ESRRG: variants seen among roughly 807,000 people sequenced by gnomAD.
The protein encoded by ESRRG is estrogen related receptor gamma, also known as estrogen-related receptor gamma.
In ESRRG, 13 loss-of-function variants were observed where a neutral mutation model predicts 44.0. The ratio of observed to expected loss-of-function variants is 0.30; its 90% CI spans 0.19 to 0.47. The LOEUF (loss-of-function observed/expected upper bound fraction) is 0.47, where lower values mean the gene tolerates loss of function less well. Among genes scored for constraint, ESRRG ranks in the 20% least tolerant of loss-of-function variants. The pLI is 1.00. For missense variants in ESRRG, 395 were observed against 580.6 expected (o/e 0.68, Z 3.29); for synonymous variants, 215 against 214.6 (o/e 1.00, Z -0.02).
chr1:216,528,378 G>A (rs936118145), intron 5 of ESRRG, among the ~76,000 whole-genome samples: 5 of 152,150 alleles, frequency 3.3e-5, no homozygotes, highest in Non-Finnish European at 7.3e-5. Context: ...ATATGGACTA[G>A]CTGCTTCTCT....
intron 2 of ESRRG, among the ~76,000 whole-genome samples, chr1:216,733,711 C>A (rs1398236370): frequency 3.3e-5 from 5 of 152,180 alleles, no homozygotes; most frequent in Non-Finnish European, 7.4e-5. Context: ...CACTCTCAGT[C>A]TGGGCGCAGT....
At chr1:217,099,882 T>C (rs754772079) in intron 1 of ESRRG, among the ~76,000 whole-genome samples, 9 of 152,090 alleles carry the variant, frequency 5.9e-5, no homozygotes, top group Non-Finnish European at 8.8e-5. Flanking sequence ...AATGACCCAG[T>C]TGACCAGTTC....
chr1:216,882,793 T>C (rs2096464871), intron 2 of ESRRG, among the ~76,000 whole-genome samples: 1 of 152,184 alleles, frequency 6.6e-6, no homozygotes, highest in South Asian at 2.1e-4. Flanking sequence ...ATTGAAAATG[T>C]ATTCATTTTA....
intron 1 of ESRRG, among the ~76,000 whole-genome samples, chr1:216,690,125 T>C (rs114923499): frequency 6.6e-6 from 1 of 152,016 alleles, no homozygotes; most frequent in Admixed American, 6.6e-5. Flanking sequence ...TGAAAACATA[T>C]CCCCACAAAA....
chr1:216,961,377 A>T (rs529723868), intron 1 of ESRRG, among the ~76,000 whole-genome samples: 138 of 152,262 alleles, frequency 9.1e-4, no homozygotes, highest in Non-Finnish European at 1.6e-3. Context: ...TACCAACCAT[A>T]AAAAAATGAT....
intron 1 of ESRRG, among the ~76,000 whole-genome samples, chr1:217,108,369 G>T (rs1255428905): frequency 1.3e-5 from 2 of 152,090 alleles, no homozygotes; most frequent in Non-Finnish European, 2.9e-5. Flanking sequence ...ATTCTGCTTT[G>T]CTGCATACTT....
At chr1:216,941,772 T>A (rs1464887660) in intron 1 of ESRRG, among the ~76,000 whole-genome samples, 3 of 152,214 alleles carry the variant, frequency 2.0e-5, no homozygotes, top group East Asian at 1.9e-4. Flanking sequence ...GGAAAAAGAT[T>A]GTAAACAGCC....
At chr1:216,837,435 T>C (rs928537388) in intron 2 of ESRRG, among the ~76,000 whole-genome samples, 15 of 151,922 alleles carry the variant, frequency 9.9e-5, no homozygotes, top group African/African-American at 3.1e-4. Context: ...ACTTTTTCCA[T>C]AGAAATCTCC....
At chr1:216,771,971 T>G (rs1307038954) in intron 2 of ESRRG, among the ~76,000 whole-genome samples, 2 of 152,004 alleles carry the variant, frequency 1.3e-5, no homozygotes, top group Non-Finnish European at 2.9e-5. Context: ...AACATTTAAC[T>G]TCTCATAGCC....
rs538234428 is a variant in ESRRG at position 217,133,523 on chromosome 1, T to G, written c.-230+4144A>C. ...ATGTGTCTGAGGGTCCTTGGCTAAC[T>G]AACTCCTTCACTCTTGAAAGTCCTG... On this transcript the variant is annotated intron_variant, in intron 1 of 8. Transcript: ENST00000366940. 3.9e-5 allele frequency among the ~76,000 whole-genome samples: 6 copies of G among 152,368 alleles called. No homozygotes were observed. The East Asian group carries it at 1.2e-3, about 29-fold the overall frequency.
Position 216,934,315 on chromosome 1 carries a change from T to A in ESRRG, c.-14+5267A>T, listed in dbSNP as rs570201785. 1.9e-4 allele frequency among the ~76,000 whole-genome samples: 29 copies of A among 152,240 alleles called. No homozygotes were observed. In the East Asian group the frequency reaches 5.4e-3, roughly 28 times the overall value. On this transcript the variant is annotated intron_variant, in intron 2 of 7. Coordinates refer to the ESRRG transcript ENST00000359162. ...CGGACGTGGTGGCAGGGACCTATAA[T>A]ACCACCTACTTGGGAGGCTGAGGCA...
At chr1:216,923,295 C>G (rs780087160) in intron 2 of ESRRG, among the ~76,000 whole-genome samples, 2 of 152,188 alleles carry the variant, frequency 1.3e-5, no homozygotes, top group Non-Finnish European at 2.9e-5. Context: ...AACTAACAAA[C>G]AAGAAACAGA....
chr1:216,893,420 C>T (rs1276642937), intron 2 of ESRRG, among the ~76,000 whole-genome samples: 1 of 152,034 alleles, frequency 6.6e-6, no homozygotes, highest in Non-Finnish European at 1.5e-5. Context: ...ATGAGGCACA[C>T]AGGAATAAAT....
rs1249064445 is a variant in ESRRG at position 216,937,498 on chromosome 1, TTC to T, written c.-14+2082_-14+2083del. Among the ~76,000 whole-genome samples, 9 of 152,270 alleles carry T rather than the reference TTC, an allele frequency of 5.9e-5. No individual in the cohort carries two copies. In the East Asian group the frequency reaches 1.7e-3, roughly 29 times the overall value. On this transcript the variant is annotated intron_variant, in intron 2 of 7. Transcript: ENST00000359162. ...CTCCTGTGAATAAATGCGGGGAGTA[TTC>T]TCTCTCCCACCCTCTGTGACAGATG...
chr1:217,051,245 T>G (rs2085978880), intron 1 of ESRRG, among the ~76,000 whole-genome samples: 1 of 145,430 alleles, frequency 6.9e-6, no homozygotes, highest in African/African-American at 2.6e-5. Context: ...ACTGGGTCAT[T>G]CTTGGCTTGA....
At chr1:216,713,523 G>C (rs563354646) in intron 1 of ESRRG, among the ~76,000 whole-genome samples, 30 of 152,270 alleles carry the variant, frequency 2.0e-4, no homozygotes, top group African/African-American at 7.2e-4. Flanking sequence ...AGGGAGACTG[G>C]ATTGACATAG....
At chr1:217,132,273 G>A (rs2092977212) in intron 1 of ESRRG, among the ~76,000 whole-genome samples, 1 of 152,292 alleles carries the variant, frequency 6.6e-6, no homozygotes, top group Non-Finnish European at 1.5e-5. Flanking sequence ...GGGATTACAG[G>A]TGTGTGACAC....
At chr1:216,821,664 G>A (rs116077542) in intron 2 of ESRRG, among the ~76,000 whole-genome samples, 2,125 of 119,676 alleles carry the variant, frequency 0.018, 73 homozygotes, top group African/African-American at 0.058. Context: ...CAGCCTGGGC[G>A]ACAGAACAAG....
intron 2 of ESRRG, among the ~76,000 whole-genome samples, chr1:216,853,113 A>G (rs2095866285): frequency 2.0e-5 from 3 of 152,182 alleles, no homozygotes; most frequent in African/African-American, 7.2e-5. Flanking sequence ...AAATGTTTAT[A>G]CTCTGACAGG....
Sources: allele counts gnomAD v4.1 joint callset (sites outside exome capture counted in the v4.1 genomes callset), GRCh38; gene constraint gnomAD v4.1.1; transcripts MANE v1.5; gene names NCBI Gene and HGNC (gene_info 2026-07-23, HGNC 2026-07-21).